The following KIF9 variants were observed in gnomAD, a reference collection of about 807,000 sequenced individuals.
The protein encoded by KIF9 is kinesin-like protein KIF9.
KIF9 carries 68 observed loss-of-function variants against 94.8 expected under a neutral mutation model. That is an observed-to-expected ratio of 0.72 (90% confidence interval 0.59 to 0.88). KIF9 has a LOEUF of 0.88. Ranked by LOEUF, KIF9 falls within the 40% of genes least tolerant of loss-of-function variation. The pLI, the probability that KIF9 is intolerant of heterozygous loss-of-function variation, is 0.00. For missense variants in KIF9, 882 were observed against 982.5 expected (o/e 0.90, Z 1.37); for synonymous variants, 343 against 362.1 (o/e 0.95, Z 0.60).
At chr3:47,269,222 T>A (rs1454628960) in intron 5 of KIF9, among the ~76,000 whole-genome samples, 2 of 152,206 alleles carry the variant, frequency 1.3e-5, no homozygotes, top group Admixed American at 1.3e-4. Flanking sequence ...AGAACTTGCA[T>A]AAAAAAATAA....
intron 16 of KIF9, among the ~76,000 whole-genome samples, chr3:47,242,159 C>T (rs1699615199): frequency 6.6e-6 from 1 of 152,122 alleles, no homozygotes; most frequent in African/African-American, 2.4e-5. Context: ...GGATTACAAG[C>T]ATAAGCCACC....
intron 5 of KIF9, among the ~76,000 whole-genome samples, chr3:47,268,930 TTG>T (rs1701460441): frequency 6.6e-6 from 1 of 152,096 alleles, no homozygotes; most frequent in East Asian, 1.9e-4. Flanking sequence ...CCCTCTTGCC[TTG>T]TCTTTCTTTT....
chr3:47,247,293 A>G (rs1699986485), intron 12 of KIF9, 80 bp downstream of exon 12: 2 of 917,032 alleles, frequency 2.2e-6, no homozygotes, highest in Non-Finnish European at 3.6e-6. Flanking sequence ...CTCTGAGGCC[A>G]GCAGAGCATG....
chr3:47,233,850 G>A (rs1019213913), intron 20 of KIF9, among the ~76,000 whole-genome samples: 2 of 152,166 alleles, frequency 1.3e-5, no homozygotes, highest in Non-Finnish European at 1.5e-5. Flanking sequence ...AGCACTTTGG[G>A]AGGCCAAGGC....
At position 47,236,095 on chromosome 3, in the gene KIF9, G is replaced by C. The variant is rs963199722; in HGVS notation, c.2156C>G (p.Ala719Gly). The change falls in exon 19 of 21, where the codon GCA becomes GGA. Residue 719 changes from alanine (A) to glycine (G), a missense_variant. Ala to Gly is a moderately conservative substitution (Grantham distance 60). Coordinates refer to ENST00000684063, the MANE Select transcript of KIF9 (RefSeq NM_182902.4). ...SFVIPEDMQM[A>G]LKPGGSIRPG... ...CCGGATGCTGCCGCCTGGCTTCAGT[G>C]CCATCTGCATGTCCTCAGGGATGAC... 1.9e-6 allele frequency: 3 copies of C among 1,614,154 alleles called. 1 individual carries two copies. In the Admixed American group the frequency reaches 5.0e-5, roughly 27 times the overall value.
At chr3:47,244,554 T>C (rs1370937704) in intron 15 of KIF9, 2 of 532,856 alleles carry the variant, frequency 3.8e-6, no homozygotes, top group Non-Finnish European at 6.8e-6. Flanking sequence ...ATCAGTGTAA[T>C]GAAGACATTA....
At chr3:47,259,674 C>T (rs1201000724) in intron 9 of KIF9, among the ~76,000 whole-genome samples, 2 of 148,692 alleles carry the variant, frequency 1.3e-5, no homozygotes, top group East Asian at 2.0e-4. Flanking sequence ...CCCCCAACCC[C>T]GTGCTCTCTG....
At chr3:47,240,226 C>A (rs944996787) in intron 17 of KIF9, 1 of 229,774 alleles carries the variant, frequency 4.4e-6, no homozygotes, top group African/African-American at 2.2e-5. Flanking sequence ...GGGTTCTTTG[C>A]TCTTTGAGCC....
At chr3:47,249,922 G>A (rs1419711605) in intron 10 of KIF9, among the ~76,000 whole-genome samples, 10 of 152,066 alleles carry the variant, frequency 6.6e-5, no homozygotes, top group Admixed American at 4.6e-4. Context: ...GGTGGCATGC[G>A]CCTGTAATCC....
intron 8 of KIF9, among the ~76,000 whole-genome samples, chr3:47,265,407 A>G (rs1701228613): frequency 6.6e-6 from 1 of 152,124 alleles, no homozygotes; most frequent in Non-Finnish European, 1.5e-5. Context: ...GGAAGACACC[A>G]TGGGAGAGAG....
At chr3:47,263,793 G>A (rs1302335007) in intron 9 of KIF9, 4 of 454,790 alleles carry the variant, frequency 8.8e-6, no homozygotes, top group East Asian at 1.4e-4. Context: ...GAGGCCCAAG[G>A]GCATTTAAGA....
chr3:47,249,060 T>G (rs1291778448), intron 10 of KIF9, among the ~76,000 whole-genome samples: 1 of 150,662 alleles, frequency 6.6e-6, no homozygotes, highest in Non-Finnish European at 1.5e-5. Flanking sequence ...TATGCATGGT[T>G]ATAACCTCAT....
chr3:47,264,169 T>C, intron 9 of KIF9, 117 bp downstream of exon 9: 1 of 794,766 alleles, frequency 1.3e-6, no homozygotes, highest in Non-Finnish European at 2.2e-6. Flanking sequence ...CCTGGATCCT[T>C]CCACTCTTGA....
chr3:47,272,483 T>C (rs1044670560), intron 4 of KIF9, among the ~76,000 whole-genome samples: 3 of 152,318 alleles, frequency 2.0e-5, no homozygotes, highest in African/African-American at 7.2e-5. Flanking sequence ...CAACATTTTA[T>C]GAAATCTAAA....
At position 47,236,061 on chromosome 3, in the gene KIF9, C is replaced by A; in HGVS notation, c.2190G>T (p.Met730Ile). ...GAGACACAATCCTGTTCACAGGGAC[C>A]ATGCCTGGCCGGATGCTGCCGCCTG... ...LKPGGSIRPGMVPVNRIVSLG... is the reference protein window; with the variant it reads ...LKPGGSIRPGIVPVNRIVSLG... The change falls in exon 19 of 21, where the codon ATG (methionine) becomes ATT (isoleucine). Residue 730 changes from methionine to isoleucine, a missense_variant. Physicochemically the swap from Met to Ile is conservative, Grantham distance 10. Coordinates refer to ENST00000684063, the MANE Select transcript of KIF9 (RefSeq NM_182902.4). 6.2e-7 allele frequency: 1 copy of A among 1,614,072 alleles called. No homozygotes were observed. Among genetic ancestry groups the A allele is most frequent in the Non-Finnish European group, 8.5e-7 (1 of 1,179,942 alleles).
At chr3:47,252,750 C>T (rs1310435523) in intron 10 of KIF9, among the ~76,000 whole-genome samples, 2 of 152,270 alleles carry the variant, frequency 1.3e-5, no homozygotes, top group East Asian at 3.9e-4. Flanking sequence ...CATGTTGGCT[C>T]ATGCTTGCAA....
intron 10 of KIF9, among the ~76,000 whole-genome samples, chr3:47,256,831 C>G (rs1283954037): frequency 6.6e-6 from 1 of 152,218 alleles, no homozygotes; most frequent in Non-Finnish European, 1.5e-5. Context: ...TCCTGTTGAT[C>G]TGTGACCTTG....
intron 10 of KIF9, among the ~76,000 whole-genome samples, chr3:47,256,761 G>A (rs1003289467): frequency 2.0e-5 from 3 of 152,174 alleles, no homozygotes; most frequent in East Asian, 1.9e-4. Context: ...TGTAGAAGGA[G>A]GTAGACATGG....
In KIF9 at chr3:47,228,644, A is replaced by G. The variant is rs765348365; in HGVS notation, c.*8T>C. ...GGTCTTGTCCTTTAAGGTACTGGCG[A>G]TGAGGTTCTATTTTCTATGTGCCTG... On this transcript the variant is annotated 3_prime_UTR_variant, in exon 21 of 21. Coordinates refer to ENST00000684063, the MANE Select transcript of KIF9 (RefSeq NM_182902.4). 9.3e-6 allele frequency: 15 copies of G among 1,612,468 alleles called. No individual in the cohort carries two copies. In the East Asian group the frequency reaches 2.5e-4, roughly 26 times the overall value.
Sources: gnomAD v4.1 joint callset for allele counts (sites outside exome capture counted in the v4.1 genomes callset) on GRCh38, gnomAD v4.1.1 for gene constraint, MANE v1.5 for transcripts, NCBI Gene and HGNC (gene_info 2026-07-23, HGNC 2026-07-21) for gene names.